The following TAFA1 variants were observed in gnomAD, a reference collection of about 807,000 sequenced individuals.
TAFA1 encodes TAFA chemokine like family member 1.
Under a neutral mutation model 18.5 loss-of-function variants are expected in TAFA1, and 4 were observed. The ratio of observed to expected loss-of-function variants is 0.22; its 90% CI spans 0.11 to 0.49. The LOEUF is 0.49. Among genes scored for constraint, TAFA1 ranks in the 20% least tolerant of loss-of-function variants. TAFA1 has a pLI of 0.98. For synonymous variants in TAFA1, 56 were observed against 55.2 expected, an observed-to-expected ratio of 1.01 and a Z score of -0.06; for missense variants, 147 against 169.0, an observed-to-expected ratio of 0.87 and a Z score of 0.72.
At position 68,243,497 on chromosome 3, in the gene TAFA1, T is replaced by A. The variant is rs2067028919; in HGVS notation, c.119-173783T>A. ...CACCCTCTGCCCTGCCCATCACAAC[T>A]ACTAATCTCTTCTGACTCTATATCT... On this transcript the variant is annotated intron_variant, in intron 2 of 4. Coordinates refer to ENST00000478136, the MANE Select transcript of TAFA1 (RefSeq NM_213609.4). Among the ~76,000 whole-genome samples the A allele has an allele frequency of 2.6e-5, 4 of 152,154 alleles. 1 individual carries two copies. The South Asian group carries it at 8.3e-4, about 31-fold the overall frequency.
rs10610707 is a variant in TAFA1, at chr3:68,021,185, CAAA to C, written c.118+14466_118+14468del. 3.3e-3 allele frequency among the ~76,000 whole-genome samples: 186 copies of C among 56,084 alleles called. 1 individual carries two copies. Among genetic ancestry groups the C allele is most frequent in the Middle Eastern group, 0.02 (1 of 50 alleles). 36.8% of individuals were successfully genotyped at this position (56,084 alleles called of 152,430 possible). A position where few individuals can be genotyped will look rare whatever the true frequency, so the allele number is the denominator to read the frequency against. On this transcript the variant is annotated intron_variant, in intron 2 of 4. Coordinates refer to ENST00000478136, the MANE Select transcript of TAFA1 (RefSeq NM_213609.4). ...TAGTCAACAGAACAAGACCCTGTCT[CAAA>C]AAAAAAAAAAAAAAAAAAAAAAAAG... is the stretch of plus-strand genomic sequence containing the variant.
At chr3:68,152,261 A>C (rs1356870498) in intron 2 of TAFA1, among the ~76,000 whole-genome samples, 1 of 152,204 alleles carries the variant, frequency 6.6e-6, no homozygotes, top group African/African-American at 2.4e-5. Context: ...GGTTTGTGGA[A>C]CGTTCAAAAG....
intron 2 of TAFA1, among the ~76,000 whole-genome samples, chr3:68,408,520 G>A (rs911464410): frequency 7.2e-5 from 11 of 152,054 alleles, no homozygotes; most frequent in East Asian, 1.9e-4. Context: ...AAAGGTTCCC[G>A]AAAAAGGATT....
chr3:68,328,348 G>T (rs975085452), intron 2 of TAFA1, among the ~76,000 whole-genome samples: 1 of 152,144 alleles, frequency 6.6e-6, no homozygotes, highest in Non-Finnish European at 1.5e-5. Flanking sequence ...ATTGAACACA[G>T]CAATTGCCGT....
rs576034211 is a variant in TAFA1, at chr3:68,431,856, A to T, written c.259+14436A>T. Among the ~76,000 whole-genome samples the T allele has an allele frequency of 2.0e-5, 3 of 152,102 alleles. No homozygotes were observed. In the East Asian group the frequency reaches 5.8e-4, roughly 29 times the overall value. ...ACGTCTTAAGAGCCGAGCTCCCCGA[A>T]AAAGAAATTCCTAGCCCTTTTAAGG... On this transcript the variant is annotated intron_variant, in intron 3 of 4. Coordinates refer to ENST00000478136, the MANE Select transcript of TAFA1 (RefSeq NM_213609.4).
intron 3 of TAFA1, among the ~76,000 whole-genome samples, chr3:68,447,910 A>G (rs559860407): frequency 2.3e-4 from 35 of 152,362 alleles, no homozygotes; most frequent in African/African-American, 8.2e-4. Flanking sequence ...TAAACACTTT[A>G]TTAAGTTGGT....
chr3:68,408,371 G>A (rs9833308), intron 2 of TAFA1, among the ~76,000 whole-genome samples: 79,647 of 151,930 alleles, frequency 0.52, 21,203 homozygotes, highest in African/African-American at 0.6. Flanking sequence ...CTTTACCTTT[G>A]TAAGTTATGA....
chr3:68,050,570 C>T (rs1406342485), intron 2 of TAFA1, among the ~76,000 whole-genome samples: 1 of 152,124 alleles, frequency 6.6e-6, no homozygotes, highest in Non-Finnish European at 1.5e-5. Context: ...ATATAGTAAG[C>T]CCTACCTTTG....
At chr3:68,007,833 C>T (rs898048282) in intron 2 of TAFA1, among the ~76,000 whole-genome samples, 5 of 152,188 alleles carry the variant, frequency 3.3e-5, no homozygotes, top group Admixed American at 6.5e-5. Context: ...GCCTGGACAC[C>T]GATACTAGGC....
At chr3:68,216,508 T>G (rs1410984644) in intron 2 of TAFA1, among the ~76,000 whole-genome samples, 1 of 152,050 alleles carries the variant, frequency 6.6e-6, no homozygotes, top group Non-Finnish European at 1.5e-5. Flanking sequence ...TGAGATTGGG[T>G]TGATAAAGTT....
intron 2 of TAFA1, 50 bp from the exon 3 acceptor site, chr3:68,417,230 A>C: frequency 6.4e-7 from 1 of 1,552,966 alleles, no homozygotes; most frequent in East Asian, 2.3e-5. Flanking sequence ...GGGCTCGAAT[A>C]GTCACTGAGT....
At chr3:68,247,806 G>T (rs1295545541) in intron 2 of TAFA1, 1 of 149,470 alleles carries the variant, frequency 6.7e-6, no homozygotes, top group Non-Finnish European at 1.5e-5. Context: ...TCAAGCTCTG[G>T]TGAGTATGTT....
Position 68,112,914 on chromosome 3 carries a change from G to T in TAFA1, c.118+106170G>T, listed in dbSNP as rs1017215121. 7.9e-5 allele frequency among the ~76,000 whole-genome samples: 12 copies of T among 152,116 alleles called. No individual in the cohort carries two copies. The South Asian group carries it at 1.2e-3, about 16-fold the overall frequency. On this transcript the variant is annotated intron_variant, in intron 2 of 4. Transcript: ENST00000478136. ...AAACATTATTTAAAGAAATGAAAAA[G>T]ACCTACACATAAATATATATTATAT... is the stretch of plus-strand genomic sequence containing the variant.
chr3:68,059,360 G>A (rs1157857502), intron 2 of TAFA1, among the ~76,000 whole-genome samples: 1 of 152,092 alleles, frequency 6.6e-6, no homozygotes, highest in Admixed American at 6.6e-5. Context: ...TTATTTGAAT[G>A]CGTAGATGAG....
At chr3:68,348,717 T>C (rs1048399490) in intron 2 of TAFA1, among the ~76,000 whole-genome samples, 2 of 152,158 alleles carry the variant, frequency 1.3e-5, no homozygotes, top group African/African-American at 2.4e-5. Flanking sequence ...AGTTTCTTTA[T>C]GATCCTTGTT....
chr3:68,503,919 A>G (rs1224808173), intron 3 of TAFA1, among the ~76,000 whole-genome samples: 1 of 152,110 alleles, frequency 6.6e-6, no homozygotes, highest in Non-Finnish European at 1.5e-5. Flanking sequence ...AATTACCTTG[A>G]TCATCATCAT....
intron 2 of TAFA1, among the ~76,000 whole-genome samples, chr3:68,097,269 T>C (rs917447258): frequency 3.3e-5 from 5 of 152,160 alleles, no homozygotes; most frequent in African/African-American, 1.2e-4. Context: ...CATGAAACTT[T>C]TTTTCTCATA....
At chr3:68,089,148 G>A (rs1559516095) in intron 2 of TAFA1, among the ~76,000 whole-genome samples, 1 of 152,090 alleles carries the variant, frequency 6.6e-6, no homozygotes, top group Non-Finnish European at 1.5e-5. Flanking sequence ...TATGAAGCTG[G>A]ATATGTGAGC....
chr3:68,276,899 C>G (rs993167619), intron 2 of TAFA1, among the ~76,000 whole-genome samples: 1 of 152,030 alleles, frequency 6.6e-6, no homozygotes, highest in Non-Finnish European at 1.5e-5. Flanking sequence ...CTTTCCTATA[C>G]AGTTTTAATA....
Sources: allele counts gnomAD v4.1 joint callset (sites outside exome capture counted in the v4.1 genomes callset), GRCh38; gene constraint gnomAD v4.1.1; transcripts MANE v1.5; gene names NCBI Gene and HGNC (gene_info 2026-07-23, HGNC 2026-07-21).